The following ADK variants were observed in gnomAD, a reference collection of about 807,000 sequenced individuals.
The protein encoded by ADK is adenosine kinase, also known as N6,N6-dimethyladenosine kinase.
In ADK, 24 loss-of-function variants were observed where a neutral mutation model predicts 44.7. That is an observed-to-expected ratio of 0.54 (90% confidence interval 0.39 to 0.76). ADK has a LOEUF of 0.76. ADK is among the 30% of genes least tolerant of loss of function. The pLI is 0.00. For missense variants in ADK, 321 were observed against 425.1 expected, an observed-to-expected ratio of 0.76 and a Z score of 2.15; for synonymous variants, 128 against 142.6, an observed-to-expected ratio of 0.90 and a Z score of 0.73.
chr10:74,668,482 A>G (rs1374630083), intron 9 of ADK, among the ~76,000 whole-genome samples: 2 of 152,200 alleles, frequency 1.3e-5, no homozygotes, highest in Non-Finnish European at 2.9e-5. Context: ...CTCACACCTA[A>G]TCCCAGCACT....
chr10:74,624,631 C>T (rs1853115642), intron 9 of ADK, among the ~76,000 whole-genome samples: 2 of 151,954 alleles, frequency 1.3e-5, no homozygotes, highest in Non-Finnish European at 1.5e-5. Flanking sequence ...AATAATAGAG[C>T]TGTTTAGCTG....
intron 10 of ADK, among the ~76,000 whole-genome samples, chr10:74,684,048 A>G (rs573145712): frequency 1.3e-5 from 2 of 152,340 alleles, no homozygotes; most frequent in Admixed American, 6.5e-5. Context: ...GCCGGTTCTT[A>G]GCACAGTGTC....
intron 4 of ADK, among the ~76,000 whole-genome samples, chr10:74,351,679 A>C (rs969062508): frequency 6.6e-6 from 1 of 152,308 alleles, no homozygotes; most frequent in African/African-American, 2.4e-5. Flanking sequence ...CCATCGTCTC[A>C]GCCCAAAACC....
intron 10 of ADK, among the ~76,000 whole-genome samples, chr10:74,700,254 T>C (rs551864483): frequency 6.6e-6 from 1 of 152,326 alleles, no homozygotes; most frequent in Admixed American, 6.5e-5. Context: ...GAGATTTTGG[T>C]CTCTGACTAC....
intron 10 of ADK, among the ~76,000 whole-genome samples, chr10:74,678,143 CAAAAAAA>C (rs35650817): frequency 5.1e-5 from 3 of 59,210 alleles, no homozygotes; most frequent in Non-Finnish European, 8.1e-5. Flanking sequence ...CCTGTCTCTA[CAAAAAAA>C]AAAAAAAAAA....
chr10:74,554,376 A>T (rs1006616518), intron 7 of ADK, among the ~76,000 whole-genome samples: 1 of 152,152 alleles, frequency 6.6e-6, no homozygotes, highest in African/African-American at 2.4e-5. Flanking sequence ...TATCCCTTAT[A>T]TATGTAGTCC....
intron 3 of ADK, among the ~76,000 whole-genome samples, chr10:74,289,497 T>TA (rs564785348): frequency 2.7e-4 from 41 of 151,850 alleles, no homozygotes; most frequent in African/African-American, 7.0e-4. Flanking sequence ...CTAAAACACT[T>TA]AAAAAAAATG....
At chr10:74,706,381 C>T (rs1440609045) in intron 10 of ADK, among the ~76,000 whole-genome samples, 1 of 152,196 alleles carries the variant, frequency 6.6e-6, no homozygotes, top group Non-Finnish European at 1.5e-5. Flanking sequence ...TCTATGTTTT[C>T]TCCTCAAGAG....
At chr10:74,587,901 C>G (rs150469491) in intron 7 of ADK, among the ~76,000 whole-genome samples, 1 of 151,744 alleles carries the variant, frequency 6.6e-6, no homozygotes, top group African/African-American at 2.4e-5. Flanking sequence ...GTTATAAGAG[C>G]CTTAGGGTAT....
intron 4 of ADK, among the ~76,000 whole-genome samples, chr10:74,391,347 G>C (rs1451577922): frequency 6.6e-6 from 1 of 151,778 alleles, no homozygotes; most frequent in Non-Finnish European, 1.5e-5. Flanking sequence ...ATTTTAACAT[G>C]TTTCAGAAGT....
intron 7 of ADK, among the ~76,000 whole-genome samples, chr10:74,548,716 A>G (rs1313949578): frequency 1.3e-5 from 2 of 152,242 alleles, no homozygotes; most frequent in Non-Finnish European, 2.9e-5. Context: ...AATAGTCTCC[A>G]TAAAGATAAA....
intron 6 of ADK, among the ~76,000 whole-genome samples, chr10:74,444,283 G>A (rs1485321149): frequency 1.3e-5 from 2 of 152,078 alleles, no homozygotes; most frequent in Non-Finnish European, 2.9e-5. Context: ...TACCTGCAGC[G>A]AGAGAGGAAG....
At chr10:74,655,675 C>T (rs1854457442) in intron 9 of ADK, 3 of 467,024 alleles carry the variant, frequency 6.4e-6, no homozygotes, top group Admixed American at 5.2e-5. Flanking sequence ...CCGGGCCTCC[C>T]GAAGGACATA....
intron 3 of ADK, among the ~76,000 whole-genome samples, chr10:74,260,911 A>G (rs1846015202): frequency 6.6e-6 from 1 of 152,202 alleles, no homozygotes; most frequent in African/African-American, 2.4e-5. Flanking sequence ...GCGGCAACTT[A>G]TAATACTGTT....
chr10:74,408,565 C>T (rs1227933884), intron 6 of ADK, among the ~76,000 whole-genome samples: 1 of 152,098 alleles, frequency 6.6e-6, no homozygotes, highest in Non-Finnish European at 1.5e-5. Context: ...TGTGAGGGTT[C>T]TGGGCACTGA....
intron 4 of ADK, among the ~76,000 whole-genome samples, chr10:74,327,801 T>G (rs1333698587): frequency 6.6e-6 from 1 of 152,226 alleles, no homozygotes; most frequent in Admixed American, 6.5e-5. Flanking sequence ...CCCTTTAGAT[T>G]TATTGATATT....
At chr10:74,204,570 G>C (rs1843520342) in intron 2 of ADK, among the ~76,000 whole-genome samples, 1 of 152,102 alleles carries the variant, frequency 6.6e-6, no homozygotes, top group Non-Finnish European at 1.5e-5. Flanking sequence ...AATGTGCTGG[G>C]GGTCTAGGAT....
chr10:74,218,692 G>A (rs1844165215), intron 2 of ADK, among the ~76,000 whole-genome samples: 2 of 152,200 alleles, frequency 1.3e-5, no homozygotes, highest in African/African-American at 4.8e-5. Context: ...CTACAAGCCA[G>A]AAGAGAGTGG....
chr10:74,268,177 G>GC (rs1317071200), intron 3 of ADK, among the ~76,000 whole-genome samples: 1 of 151,884 alleles, frequency 6.6e-6, no homozygotes, highest in African/African-American at 2.4e-5. Flanking sequence ...TTAAAAGTTA[G>GC]CCAGAGATAG....
Sources: gnomAD v4.1 joint callset for allele counts (sites outside exome capture counted in the v4.1 genomes callset) on GRCh38, gnomAD v4.1.1 for gene constraint, MANE v1.5 for transcripts, NCBI Gene and HGNC (gene_info 2026-07-23, HGNC 2026-07-21) for gene names.